ATXN7: variants seen among roughly 807,000 people sequenced by gnomAD.
ATXN7 encodes ataxin-7.
Under a neutral mutation model 70.5 loss-of-function variants are expected in ATXN7, and 12 were observed. That is an observed-to-expected ratio of 0.17 (90% confidence interval 0.11 to 0.28). The LOEUF (loss-of-function observed/expected upper bound fraction) is 0.28. Ranked by LOEUF, ATXN7 falls within the 10% of genes least tolerant of loss-of-function variation. The probability of loss-of-function intolerance (pLI) is 1.00; values close to 1 mark genes in which losing one functional copy is unlikely to be tolerated. For missense variants in ATXN7, 1,256 were observed against 1,131.7 expected, an observed-to-expected ratio of 1.11 and a Z score of -1.58; for synonymous variants, 498 against 448.7, an observed-to-expected ratio of 1.11 and a Z score of -1.39.
intron 2 of ATXN7, 100 bp from the exon 3 acceptor site, chr3:63,912,488 A>G: frequency 1.3e-6 from 1 of 779,536 alleles, no homozygotes; most frequent in East Asian, 1.2e-4. Flanking sequence ...AGCGTGCCCC[A>G]CCCGGTCCGC....
At chr3:63,997,835 G>A in intron 12 of ATXN7, 1 of 1,445,890 alleles carries the variant, frequency 6.9e-7, no homozygotes, top group South Asian at 1.5e-5. Flanking sequence ...ATATTTGGGT[G>A]AATTAACACC....
At chr3:63,978,021 C>T (rs1162851724) in intron 5 of ATXN7, among the ~76,000 whole-genome samples, 1 of 152,174 alleles carries the variant, frequency 6.6e-6, no homozygotes, top group Non-Finnish European at 1.5e-5. Context: ...TTGTAGCAGG[C>T]AGTATTCTCA....
intron 1 of ATXN7, among the ~76,000 whole-genome samples, chr3:63,865,917 A>G (rs1702407939): frequency 1.3e-5 from 2 of 150,036 alleles, no homozygotes; most frequent in African/African-American, 2.4e-5. Context: ...AAAAAAAAAA[A>G]AAAAAAAAGA....
In ATXN7 at chr3:64,002,955, A is replaced by G. The variant is rs748943934; in HGVS notation, c.*3488A>G. ...CCTCTGAGAACATTGAAAAAAATGTATAATTTGAAAAATGTAACTTATAAG... is the reference window on the plus strand; with the variant it reads ...CCTCTGAGAACATTGAAAAAAATGTGTAATTTGAAAAATGTAACTTATAAG... On this transcript the variant is annotated 3_prime_UTR_variant, in exon 13 of 13. Coordinates refer to ENST00000674280, the MANE Select transcript of ATXN7 (RefSeq NM_001377405.1). 2 of 152,182 alleles carry G rather than the reference A, an allele frequency of 1.3e-5. No individual in the cohort carries two copies. The highest frequency in any genetic ancestry group is 2.9e-5 in the Non-Finnish European group (2 of 68,036). The allele number at this position is 152,182 out of a possible 1,614,324, so 9.4% of individuals were successfully genotyped here. A position where few individuals can be genotyped will look rare whatever the true frequency, so the allele number is the denominator to read the frequency against.
intron 4 of ATXN7, among the ~76,000 whole-genome samples, chr3:63,950,527 T>A (rs2074935964): frequency 6.6e-6 from 1 of 152,226 alleles, no homozygotes; most frequent in South Asian, 2.1e-4. Context: ...CACTCTTCAG[T>A]TGTAAATTAT....
intron 1 of ATXN7, among the ~76,000 whole-genome samples, chr3:63,884,253 A>T (rs1703010420): frequency 6.6e-6 from 1 of 151,746 alleles, no homozygotes; most frequent in Non-Finnish European, 1.5e-5. Context: ...ACTCTCACAC[A>T]CACACACACT....
In ATXN7 at chr3:63,996,167, G is replaced by A; in HGVS notation, c.2345G>A (p.Gly782Glu). 6.2e-7 allele frequency: 1 copy of A among 1,614,148 alleles called. No individual in the cohort carries two copies. The highest frequency in any genetic ancestry group is 8.5e-7 in the Non-Finnish European group (1 of 1,180,038). Reference sequence around the variant, plus strand: ...CAGTCAGGGAGGGGCCCCCCCACCGGGAGCCCTGCTGAATCCATCAAGAGG... The same window carrying A: ...CAGTCAGGGAGGGGCCCCCCCACCGAGAGCCCTGCTGAATCCATCAAGAGG... ...HDQSGRGPPTGSPAESIKRMS... is the reference protein window; with the variant it reads ...HDQSGRGPPTESPAESIKRMS... Residue 782 changes from glycine (G) to glutamate (E), a missense_variant, in exon 12 of 13, where the codon GGG becomes GAG. Coordinates refer to ENST00000674280, the MANE Select transcript of ATXN7 (RefSeq NM_001377405.1).
rs1704096486 is a variant in ATXN7 at position 63,912,771 on chromosome 3, C to G, written c.173C>G (p.Thr58Arg). Residue 58 changes from threonine to arginine, a missense_variant, in exon 3 of 13, where the codon ACA becomes AGA. By Grantham distance (71) the Thr-to-Arg change is moderately conservative. Transcript: ENST00000674280. ...CACCCGCCACCGCCGCCACGGCGCA[C>G]ACGGCCGGAGGACGGCGGGCCCGGC... The part of the protein sequence containing the change: ...QQHPPPPPRR[T>R]RPEDGGPGAA... 1 of 1,432,866 alleles carries G rather than the reference C, an allele frequency of 7.0e-7. No individual in the cohort carries two copies. The highest frequency in any genetic ancestry group is 1.5e-5 in the African/African-American group (1 of 66,828). The allele number at this position is 1,432,866 out of a possible 1,614,324, so 88.8% of individuals were successfully genotyped here. A position where few individuals can be genotyped will look rare whatever the true frequency, so the allele number is the denominator to read the frequency against.
chr3:63,996,605 A>C, intron 12 of ATXN7, 122 bp downstream of exon 12: 1 of 455,760 alleles, frequency 2.2e-6, no homozygotes, highest in Non-Finnish European at 3.6e-6. Flanking sequence ...ATTCAGCTTC[A>C]TGGTGTCTTC....
chr3:63,997,994 G>A (rs2075787113), intron 12 of ATXN7: 1 of 985,250 alleles, frequency 1.0e-6, no homozygotes, highest in South Asian at 4.7e-5. Flanking sequence ...ACTCATTACA[G>A]TTTATAAGCA....
chr3:63,916,864 A>G (rs997107206), intron 4 of ATXN7, among the ~76,000 whole-genome samples: 15 of 152,038 alleles, frequency 9.9e-5, no homozygotes, highest in African/African-American at 3.1e-4. Flanking sequence ...TGTTAGCATG[A>G]TTAATTTTGG....
chr3:63,886,535 T>C (rs1265217818), intron 1 of ATXN7, among the ~76,000 whole-genome samples: 1 of 152,162 alleles, frequency 6.6e-6, no homozygotes, highest in Non-Finnish European at 1.5e-5. Flanking sequence ...GGAAAATAAA[T>C]AATCACATGT....
intron 8 of ATXN7, among the ~76,000 whole-genome samples, chr3:63,984,718 C>G (rs2075545945): frequency 6.6e-6 from 1 of 152,194 alleles, no homozygotes; most frequent in South Asian, 2.1e-4. Flanking sequence ...TATTATACAG[C>G]AGATGTCTAG....
intron 2 of ATXN7, among the ~76,000 whole-genome samples, chr3:63,908,982 G>A (rs1703929193): frequency 6.6e-6 from 1 of 152,180 alleles, no homozygotes; most frequent in Non-Finnish European, 1.5e-5. Context: ...GGTGGTGACA[G>A]TTTTGATGAA....
At chr3:63,987,945 T>C in intron 8 of ATXN7, 114 bp from the exon 9 acceptor site, 1 of 1,308,448 alleles carries the variant, frequency 7.6e-7, no homozygotes. Flanking sequence ...GAGTAGCCTT[T>C]CACTATGCTT....
At chr3:63,975,588 G>A (rs2075377266) in intron 5 of ATXN7, among the ~76,000 whole-genome samples, 1 of 152,022 alleles carries the variant, frequency 6.6e-6, no homozygotes, top group Non-Finnish European at 1.5e-5. Context: ...TGTTTTCAAA[G>A]CAATATTTAT....
rs933565358 is a variant in ATXN7 at position 63,980,074 on chromosome 3, A to C, written c.659A>C (p.Lys220Thr). 5 of 1,614,022 alleles carry C rather than the reference A, an allele frequency of 3.1e-6. No homozygotes were observed. The African/African-American group carries it at 6.7e-5, about 22-fold the overall frequency. ...CTTAGCGCATCCTCATCAAGTTCCA[A>C]GTTGTTGAAATCACCCAAAGAGAAA... The part of the protein sequence containing the change: ...GVLSASSSSS[K>T]LLKSPKEKLQ... The change falls in exon 6 of 13, where the codon AAG (lysine) becomes ACG (threonine). Residue 220 changes from lysine to threonine, a missense_variant. Transcript: ENST00000674280.
At chr3:63,921,348 G>C (rs1052588905) in intron 4 of ATXN7, among the ~76,000 whole-genome samples, 1 of 152,026 alleles carries the variant, frequency 6.6e-6, no homozygotes, top group Admixed American at 6.5e-5. Context: ...TTTAACCAGT[G>C]GTCCCCAGGC....
intron 11 of ATXN7, among the ~76,000 whole-genome samples, chr3:63,994,515 G>A (rs528784881): frequency 6.6e-6 from 1 of 152,232 alleles, no homozygotes; most frequent in Non-Finnish European, 1.5e-5. Context: ...GATTACAGTT[G>A]TGAGCCACTG....
Sources: allele counts gnomAD v4.1 joint callset (sites outside exome capture counted in the v4.1 genomes callset), GRCh38; gene constraint gnomAD v4.1.1; transcripts MANE v1.5; gene names NCBI Gene and HGNC (gene_info 2026-07-23, HGNC 2026-07-21).